The following C1orf87 variants were observed in gnomAD, a reference collection of about 807,000 sequenced individuals.
C1orf87 encodes the protein uncharacterized protein C1orf87.
C1orf87 carries 58 observed loss-of-function variants against 60.5 expected under a neutral mutation model. That is an observed-to-expected ratio of 0.96 (90% CI 0.78 to 1.19). C1orf87 has a LOEUF of 1.19. C1orf87 is among the 50% of genes most tolerant of loss of function. The pLI is 0.00. For synonymous variants in C1orf87, 236 were observed against 227.4 expected, an observed-to-expected ratio of 1.04 and a Z score of -0.34; for missense variants, 673 against 638.6, an observed-to-expected ratio of 1.05 and a Z score of -0.58.
At chr1:60,067,424 A>G (rs1645554432) in intron 2 of C1orf87, among the ~76,000 whole-genome samples, 1 of 152,098 alleles carries the variant, frequency 6.6e-6, no homozygotes. Context: ...GGTGTGATAT[A>G]GTATCTCATT....
At chr1:60,041,524 CT>C (rs1427998784) in intron 3 of C1orf87, among the ~76,000 whole-genome samples, 1 of 152,062 alleles carries the variant, frequency 6.6e-6, no homozygotes. Context: ...TAATTGTTAA[CT>C]TTGACAAGAG....
intron 2 of C1orf87, among the ~76,000 whole-genome samples, chr1:60,070,728 T>C (rs945853747): frequency 2.0e-5 from 3 of 152,220 alleles, no homozygotes; most frequent in Admixed American, 1.3e-4. Flanking sequence ...CTGCATATTT[T>C]ATTTTACAAT....
At chr1:60,072,480 A>G (rs1015423661) in intron 2 of C1orf87, 57 bp downstream of exon 2, 6 of 1,357,384 alleles carry the variant, frequency 4.4e-6, no homozygotes, top group Non-Finnish European at 6.1e-6. Context: ...TGAAAACAAA[A>G]CAATAAAACT....
intron 2 of C1orf87, among the ~76,000 whole-genome samples, chr1:60,067,189 A>G (rs1645552737): frequency 6.6e-6 from 1 of 152,158 alleles, no homozygotes; most frequent in East Asian, 1.9e-4. Flanking sequence ...TTGGAATGGG[A>G]TTGCTGGGTC....
chr1:60,050,331 T>A (rs929824468), intron 3 of C1orf87, among the ~76,000 whole-genome samples: 1 of 152,050 alleles, frequency 6.6e-6, no homozygotes, highest in Non-Finnish European at 1.5e-5. Flanking sequence ...CTCATACAGG[T>A]TTGGACATTT....
At chr1:59,993,241 TAAATA>T (rs1644937571) in intron 11 of C1orf87, among the ~76,000 whole-genome samples, 1 of 150,720 alleles carries the variant, frequency 6.6e-6, no homozygotes, top group African/African-American at 2.5e-5. Flanking sequence ...AATAAATACA[TAAATA>T]CATAAATACA....
intron 8 of C1orf87, among the ~76,000 whole-genome samples, chr1:60,022,444 T>C (rs1055358908): frequency 2.0e-5 from 3 of 152,114 alleles, no homozygotes; most frequent in African/African-American, 2.4e-5. Flanking sequence ...CCAGTTGGGT[T>C]CACTGGTGAA....
intron 11 of C1orf87, among the ~76,000 whole-genome samples, chr1:59,992,934 C>A: frequency 6.6e-6 from 1 of 152,152 alleles, no homozygotes. Flanking sequence ...ATGTAAACCT[C>A]ATTCTTTGAG....
intron 11 of C1orf87, among the ~76,000 whole-genome samples, chr1:59,993,613 T>C (rs1644941307): frequency 6.6e-6 from 1 of 152,124 alleles, no homozygotes; most frequent in Non-Finnish European, 1.5e-5. Flanking sequence ...AAAAGTCCAC[T>C]GAATGAAATT....
At chr1:60,032,708 G>A (rs1645247837) in intron 7 of C1orf87, among the ~76,000 whole-genome samples, 2 of 151,924 alleles carry the variant, frequency 1.3e-5, no homozygotes, top group Non-Finnish European at 2.9e-5. Flanking sequence ...CAAAGTGCTG[G>A]GTTACAGGCA....
chr1:60,001,572 C>T (rs1574294155), intron 9 of C1orf87, among the ~76,000 whole-genome samples: 1 of 152,066 alleles, frequency 6.6e-6, no homozygotes, highest in South Asian at 2.1e-4. Flanking sequence ...AGGAGTTATC[C>T]AGGCAAAGAT....
intron 5 of C1orf87, 64 bp from the exon 6 acceptor site, chr1:60,038,171 GAGATAAA>G: frequency 9.9e-7 from 1 of 1,005,434 alleles, no homozygotes; most frequent in South Asian, 2.4e-5. Flanking sequence ...GAGGCCTGTT[GAGATAAA>G]ATGTATTTGG....
chr1:60,050,611 AAG>A (rs74450766), intron 3 of C1orf87, among the ~76,000 whole-genome samples: 19,268 of 151,682 alleles, frequency 0.13, 1,560 homozygotes, highest in East Asian at 0.27. Context: ...CTTCTTTTCT[AAG>A]TAATATGCCT....
chr1:59,999,462 T>A (rs755781659), intron 10 of C1orf87, among the ~76,000 whole-genome samples: 2 of 152,166 alleles, frequency 1.3e-5, no homozygotes, highest in Admixed American at 6.5e-5. Flanking sequence ...TACATTTTGA[T>A]GGATAATTTT....
At chr1:60,032,340 A>AG (rs1557468030) in intron 7 of C1orf87, among the ~76,000 whole-genome samples, 1 of 151,130 alleles carries the variant, frequency 6.6e-6, no homozygotes, top group Non-Finnish European at 1.5e-5. Context: ...TCTGCCTCTC[A>AG]GTTTCCATAA....
At chr1:60,018,129 A>G (rs1645136548) in intron 8 of C1orf87, among the ~76,000 whole-genome samples, 1 of 152,236 alleles carries the variant, frequency 6.6e-6, no homozygotes, top group South Asian at 2.1e-4. Flanking sequence ...AATGGACAAT[A>G]TGTACTAAAA....
At chr1:60,042,563 T>G (rs1574317331) in intron 3 of C1orf87, among the ~76,000 whole-genome samples, 1 of 152,366 alleles carries the variant, frequency 6.6e-6, no homozygotes, top group South Asian at 2.1e-4. Context: ...CAGAGAGTTC[T>G]GAATAGGCAT....
chr1:59,994,730 T>C (rs1644951362), intron 11 of C1orf87, among the ~76,000 whole-genome samples: 2 of 152,158 alleles, frequency 1.3e-5, no homozygotes, highest in East Asian at 1.9e-4. Context: ...ATAAGCACAG[T>C]AGGTTCCCAG....
At chr1:60,059,259 A>C (rs1645478178) in intron 2 of C1orf87, among the ~76,000 whole-genome samples, 1 of 152,160 alleles carries the variant, frequency 6.6e-6, no homozygotes, top group South Asian at 2.1e-4. Context: ...ATTACTGAAA[A>C]TAGACATTTG....
Sources: allele counts gnomAD v4.1 joint callset (sites outside exome capture counted in the v4.1 genomes callset), GRCh38; gene constraint gnomAD v4.1.1; transcripts MANE v1.5; gene names NCBI Gene and HGNC (gene_info 2026-07-23, HGNC 2026-07-21).